Variants in EXOC6B observed in about 807,000 individuals in gnomAD.
EXOC6B encodes the protein SEC15 homolog B.
EXOC6B carries 54 observed loss-of-function variants against 113.5 expected under a neutral mutation model. The ratio of observed to expected loss-of-function variants is 0.48; its 90% confidence interval spans 0.38 to 0.60. EXOC6B has a LOEUF of 0.60. Among genes scored for constraint, EXOC6B ranks in the 20% least tolerant of loss-of-function variants. EXOC6B has a pLI of 0.00. For missense variants in EXOC6B, 797 were observed against 977.5 expected (o/e 0.82, Z 2.46); for synonymous variants, 357 against 339.0 (o/e 1.05, Z -0.58).
At chr2:72,736,133 C>T (rs1017000080) in intron 2 of EXOC6B, among the ~76,000 whole-genome samples, 4 of 150,580 alleles carry the variant, frequency 2.7e-5, no homozygotes, top group South Asian at 4.2e-4. Context: ...TGCAGTGAGC[C>T]GAGATCACAC....
chr2:72,609,249 G>C (rs1374971850), intron 6 of EXOC6B, among the ~76,000 whole-genome samples: 1 of 152,022 alleles, frequency 6.6e-6, no homozygotes, highest in Non-Finnish European at 1.5e-5. Flanking sequence ...AACAGCAATA[G>C]AGTCAGACCC....
chr2:72,375,259 T>A (rs666233), intron 19 of EXOC6B, among the ~76,000 whole-genome samples: 1 of 151,840 alleles, frequency 6.6e-6, no homozygotes, highest in African/African-American at 2.4e-5. Context: ...AAAACAAGTA[T>A]AAAAAAATCA....
At chr2:72,387,378 G>A (rs1165990093) in intron 18 of EXOC6B, among the ~76,000 whole-genome samples, 1 of 152,150 alleles carries the variant, frequency 6.6e-6, no homozygotes, top group African/African-American at 2.4e-5. Context: ...CTTTTGTTTT[G>A]TGAAGCATTT....
Position 72,825,690 on chromosome 2 carries a change from G to C in EXOC6B, c.113+108C>G. The C allele has an allele frequency of 1.5e-6, 2 of 1,316,978 alleles. No homozygotes were observed. The highest frequency in any genetic ancestry group is 2.0e-6 in the Non-Finnish European group (2 of 1,005,424). The allele number at this position is 1,316,978 out of a possible 1,614,324, so 81.6% of individuals were successfully genotyped here. A position where few individuals can be genotyped will look rare whatever the true frequency, so the allele number is the denominator to read the frequency against. Reference sequence around the variant, plus strand: ...CCCGGTATGCAGGGTCTCTCCGAAGGGAGGGGCCGGCGCCGGACCTGGGGA... The same window carrying C: ...CCCGGTATGCAGGGTCTCTCCGAAGCGAGGGGCCGGCGCCGGACCTGGGGA... On this transcript the variant is annotated intron_variant, in intron 1 of 21. Transcript: ENST00000272427. This position sits in a 1 kb window ranked among gnomAD's most constrained non-coding sequence, Gnocchi z 4.4.
At chr2:72,618,770 C>T (rs1671558909) in intron 6 of EXOC6B, among the ~76,000 whole-genome samples, 2 of 152,180 alleles carry the variant, frequency 1.3e-5, no homozygotes, top group Admixed American at 1.3e-4. Flanking sequence ...CCCTTCTTAA[C>T]CTGAAATTCT....
chr2:72,180,400 T>C (rs1678005546), intron 21 of EXOC6B, among the ~76,000 whole-genome samples: 1 of 152,242 alleles, frequency 6.6e-6, no homozygotes, highest in African/African-American at 2.4e-5. Flanking sequence ...TGCTATTCCC[T>C]GCAGAGGGCC....
chr2:72,577,507 G>A lies in EXOC6B; in HGVS notation c.670-1839C>T, dbSNP rs138632547. Reference sequence around the variant, plus strand: ...GCAAAACCAAACGATTTCATAAGTCGTATTTTATTGAATCCCAAGTTAATT... The same window carrying A: ...GCAAAACCAAACGATTTCATAAGTCATATTTTATTGAATCCCAAGTTAATT... On this transcript the variant is annotated intron_variant, in intron 6 of 21. Transcript: ENST00000272427. 3.4e-3 allele frequency among the ~76,000 whole-genome samples: 517 copies of A among 151,922 alleles called. 2 individuals carry two copies. The highest frequency in any genetic ancestry group is 0.012 in the African/African-American group (486 of 41,486).
At chr2:72,491,404 G>A (rs1001032808) in intron 16 of EXOC6B, among the ~76,000 whole-genome samples, 9 of 151,942 alleles carry the variant, frequency 5.9e-5, no homozygotes, top group South Asian at 2.1e-4. Flanking sequence ...CTTTTGCTGC[G>A]CTTCACCATA....
intron 18 of EXOC6B, among the ~76,000 whole-genome samples, chr2:72,448,976 T>C (rs1335599786): frequency 1.3e-5 from 2 of 152,190 alleles, no homozygotes; most frequent in Non-Finnish European, 2.9e-5. Context: ...TCGTATGAAA[T>C]TCATAGCGCC....
intron 1 of EXOC6B, among the ~76,000 whole-genome samples, chr2:72,788,785 C>T (rs374035375): frequency 6.6e-6 from 1 of 152,110 alleles, no homozygotes; most frequent in Non-Finnish European, 1.5e-5. Context: ...GGCAACAGAG[C>T]CTCAAAAAAG....
chr2:72,426,955 G>A (rs114774800), intron 18 of EXOC6B, among the ~76,000 whole-genome samples: 2,737 of 152,298 alleles, frequency 0.018, 82 homozygotes, highest in African/African-American at 0.062. Context: ...ATGCACTGCT[G>A]CCACCCTCGT....
intron 18 of EXOC6B, among the ~76,000 whole-genome samples, chr2:72,387,448 T>C (rs945251059): frequency 3.3e-5 from 5 of 152,174 alleles, no homozygotes; most frequent in African/African-American, 1.2e-4. Context: ...AGTGAAGAAA[T>C]CTCAGCCTGT....
At chr2:72,366,063 C>A (rs1363717555) in intron 19 of EXOC6B, among the ~76,000 whole-genome samples, 2 of 152,062 alleles carry the variant, frequency 1.3e-5, no homozygotes, top group Non-Finnish European at 2.9e-5. Flanking sequence ...ATCCAGTAAA[C>A]AATGACCAGG....
chr2:72,743,923 C>T (rs980892911), intron 1 of EXOC6B, among the ~76,000 whole-genome samples: 4 of 152,130 alleles, frequency 2.6e-5, no homozygotes, highest in African/African-American at 9.7e-5. Context: ...TCATGCACTG[C>T]ATAATAATGT....
At position 72,240,501 on chromosome 2, in the gene EXOC6B, A is replaced by G. The variant is rs1682245532; in HGVS notation, c.2197-56314T>C. ...CTGTTGAGGAAACAAGGGAGTATAC[A>G]TAGGAATGACCTATATATATTCCAA... On this transcript the variant is annotated intron_variant, in intron 20 of 21. Transcript: ENST00000272427. Among the ~76,000 whole-genome samples, 3 of 152,350 alleles carry G rather than the reference A, an allele frequency of 2.0e-5. No homozygotes were observed. The South Asian group carries it at 6.2e-4, about 32-fold the overall frequency.
chr2:72,197,601 T>C (rs965433848), intron 20 of EXOC6B, among the ~76,000 whole-genome samples: 1 of 152,068 alleles, frequency 6.6e-6, no homozygotes, highest in Non-Finnish European at 1.5e-5. Flanking sequence ...AGAAAATTTC[T>C]AATCAGGAAG....
chr2:72,573,798 A>G (rs537384553), intron 7 of EXOC6B, among the ~76,000 whole-genome samples: 72 of 152,314 alleles, frequency 4.7e-4, no homozygotes, highest in Admixed American at 7.2e-4. Flanking sequence ...TGTCCCCTCA[A>G]TAATGAAACG....
At chr2:72,812,950 T>TA (rs918304862) in intron 1 of EXOC6B, among the ~76,000 whole-genome samples, 28 of 151,908 alleles carry the variant, frequency 1.8e-4, no homozygotes, top group African/African-American at 6.8e-4. Context: ...TTTAAGAGGG[T>TA]AAAAAAACAA....
At chr2:72,654,022 T>C (rs1162386545) in intron 6 of EXOC6B, among the ~76,000 whole-genome samples, 1 of 150,412 alleles carries the variant, frequency 6.6e-6, no homozygotes, top group East Asian at 1.9e-4. Context: ...CAGGCTGGAG[T>C]GCAGTGCCGC....
Sources: allele counts gnomAD v4.1 joint callset (sites outside exome capture counted in the v4.1 genomes callset), GRCh38; gene constraint gnomAD v4.1.1; non-coding constraint Gnocchi (gnomAD v3.1); transcripts MANE v1.5; gene names NCBI Gene and HGNC (gene_info 2026-07-23, HGNC 2026-07-21).